ZSCAN2: variants seen among roughly 807,000 people sequenced by gnomAD.
ZSCAN2 encodes the protein zinc finger and SCAN domain-containing protein 2.
In ZSCAN2, 26 loss-of-function variants were observed where a neutral mutation model predicts 47.8. The observed-to-expected ratio is 0.54, with a 90% CI of 0.40 to 0.75. The LOEUF (loss-of-function observed/expected upper bound fraction) is 0.75, where lower values mean the gene tolerates loss of function less well. Among genes scored for constraint, ZSCAN2 ranks in the 30% least tolerant of loss-of-function variants. The pLI is 0.00. For missense variants in ZSCAN2, 732 were observed against 785.4 expected, an observed-to-expected ratio of 0.93 and a Z score of 0.81; for synonymous variants, 305 against 288.7, an observed-to-expected ratio of 1.06 and a Z score of -0.57.
chr15:84,615,197 G>C (rs932236158), intron 2 of ZSCAN2, among the ~76,000 whole-genome samples: 2 of 152,014 alleles, frequency 1.3e-5, no homozygotes, highest in South Asian at 2.1e-4. Context: ...CTTGTGATCC[G>C]CCTGCCTCAG....
rs555282440 is a variant in ZSCAN2 at position 84,621,116 on chromosome 15, G to A, written c.921G>A (p.Gln307=). 6.2e-7 allele frequency: 1 copy of A among 1,613,434 alleles called. No individual in the cohort carries two copies. Among genetic ancestry groups the A allele is most frequent in the Non-Finnish European group, 8.5e-7 (1 of 1,179,776 alleles). The stretch of plus-strand genomic sequence containing the variant: ...TCCACACGGGGGAAAAGCCCTTCCA[G>A]TGTGCCGAGTGTGGCAAGAGCTTCA... ...QRIHTGEKPF[Q]CAECGKSFSR... is the part of the protein sequence containing the mutation. The change falls in exon 3 of 3, where the codon CAG becomes CAA. Residue 307 remains glutamine, a synonymous_variant. Coordinates refer to ENST00000546148, the MANE Select transcript of ZSCAN2 (RefSeq NM_181877.4). This position sits in a 1 kb window ranked among gnomAD's most constrained non-coding sequence, Gnocchi z 5.7.
At chr15:84,604,963 C>G (rs1208927750) in intron 2 of ZSCAN2, among the ~76,000 whole-genome samples, 2 of 151,968 alleles carry the variant, frequency 1.3e-5, no homozygotes, top group Non-Finnish European at 2.9e-5. Flanking sequence ...GTCTCAAGCT[C>G]CTAACCTCGT....
At chr15:84,613,981 CTTT>C (rs35815000) in intron 2 of ZSCAN2, among the ~76,000 whole-genome samples, 57 of 52,332 alleles carry the variant, frequency 1.1e-3, no homozygotes, top group Admixed American at 2.2e-3. Context: ...CTCTTGGCCT[CTTT>C]TTTTTTTTTT....
intron 2 of ZSCAN2, among the ~76,000 whole-genome samples, chr15:84,609,102 T>C (rs1012824413): frequency 6.6e-6 from 1 of 152,240 alleles, no homozygotes; most frequent in African/African-American, 2.4e-5. Context: ...TGATTTGTTT[T>C]GAGCTTGCTG....
chr15:84,606,049 A>C (rs1345109875), intron 2 of ZSCAN2, among the ~76,000 whole-genome samples: 1 of 152,230 alleles, frequency 6.6e-6, no homozygotes, highest in Admixed American at 6.5e-5. Flanking sequence ...TCTAAGAGAC[A>C]CTTCCTAGTG....
intron 2 of ZSCAN2, among the ~76,000 whole-genome samples, chr15:84,614,028 T>A (rs1895628882): frequency 7.2e-6 from 1 of 138,798 alleles, no homozygotes; most frequent in Non-Finnish European, 1.5e-5. Context: ...TCTCACTCTG[T>A]CACCCAGGCT....
At chr15:84,620,407 T>C (rs61322921) in intron 2 of ZSCAN2, among the ~76,000 whole-genome samples, 195 bp from the exon 3 acceptor site, 94,911 of 152,090 alleles carry the variant, frequency 0.62, 30,493 homozygotes, top group East Asian at 0.81. Flanking sequence ...TGAACATGTG[T>C]GTGCATGTAT....
At chr15:84,616,059 C>A (rs547403626) in intron 2 of ZSCAN2, among the ~76,000 whole-genome samples, 12 of 152,066 alleles carry the variant, frequency 7.9e-5, no homozygotes, top group Non-Finnish European at 1.0e-4. Context: ...CATGGCGACA[C>A]CCCATCTCTA....
At chr15:84,607,647 T>A (rs577024721) in intron 2 of ZSCAN2, among the ~76,000 whole-genome samples, 1 of 152,110 alleles carries the variant, frequency 6.6e-6, no homozygotes, top group South Asian at 2.1e-4. Flanking sequence ...TAGCTGGGAT[T>A]ACAGGTGCGT....
At chr15:84,617,048 G>A (rs1423810516) in intron 2 of ZSCAN2, among the ~76,000 whole-genome samples, 1 of 152,128 alleles carries the variant, frequency 6.6e-6, no homozygotes, top group African/African-American at 2.4e-5. Flanking sequence ...CTTGAACCCG[G>A]GGAACAGAGG....
chr15:84,611,117 C>T (rs1043704593), intron 2 of ZSCAN2, among the ~76,000 whole-genome samples: 2 of 151,672 alleles, frequency 1.3e-5, no homozygotes, highest in Admixed American at 1.3e-4. Context: ...CATGGTGAAA[C>T]CCCATCTCTA....
chr15:84,622,208 G>C lies in ZSCAN2; in HGVS notation c.*168G>C, dbSNP rs945976931. 4.3e-5 allele frequency: 29 copies of C among 672,168 alleles called. No homozygotes were observed. In the East Asian group the frequency reaches 7.5e-4, roughly 17 times the overall value. 41.6% of individuals were successfully genotyped at this position (672,168 alleles called of 1,614,324 possible). On this transcript the variant is annotated 3_prime_UTR_variant, in exon 3 of 3. Coordinates refer to ENST00000546148, the MANE Select transcript of ZSCAN2 (RefSeq NM_181877.4). ...CAGGACACTGTCATTTTAGTGGTCTGAGTCAAGTCCCGTATACATTCAAGA... is the reference window on the plus strand; with the variant it reads ...CAGGACACTGTCATTTTAGTGGTCTCAGTCAAGTCCCGTATACATTCAAGA...
chr15:84,617,181 A>G (rs1401101136), intron 2 of ZSCAN2, among the ~76,000 whole-genome samples: 1 of 151,386 alleles, frequency 6.6e-6, no homozygotes, highest in African/African-American at 2.4e-5. Context: ...CACGCCTCTA[A>G]TCCCAGCACT....
intron 2 of ZSCAN2, among the ~76,000 whole-genome samples, chr15:84,615,278 G>GT (rs984860263): frequency 2.6e-5 from 4 of 151,716 alleles, no homozygotes; most frequent in Admixed American, 6.6e-5. Context: ...CTATTGCTTT[G>GT]TTTTTTTGAG....
At chr15:84,613,981 C>CTT (rs35815000) in intron 2 of ZSCAN2, among the ~76,000 whole-genome samples, 21,584 of 52,124 alleles carry the variant, frequency 0.41, 6,899 homozygotes, top group East Asian at 0.5. Context: ...CTCTTGGCCT[C>CTT]TTTTTTTTTT....
chr15:84,620,135 T>C (rs909968666), intron 2 of ZSCAN2, among the ~76,000 whole-genome samples: 3 of 152,090 alleles, frequency 2.0e-5, no homozygotes, highest in African/African-American at 7.2e-5. Context: ...GTTATTTCCC[T>C]CCATGTGCTC....
At chr15:84,613,739 A>C (rs576645622) in intron 2 of ZSCAN2, among the ~76,000 whole-genome samples, 3 of 150,722 alleles carry the variant, frequency 2.0e-5, no homozygotes, top group African/African-American at 7.3e-5. Flanking sequence ...CAGTGGCACG[A>C]TCTCTGCTCA....
Position 84,601,153 on chromosome 15 carries a change from G to C in ZSCAN2, c.-109+18G>C, listed in dbSNP as rs1404775621. On this transcript the variant is annotated intron_variant, in intron 1 of 2. Coordinates refer to ENST00000546148, the MANE Select transcript of ZSCAN2 (RefSeq NM_181877.4). ...CCCGAGAGGTGAGCCGGAGAGGCAGGCCTGGAGCCACGCGGACCCCGGGCA... is the reference window on the plus strand; with the variant it reads ...CCCGAGAGGTGAGCCGGAGAGGCAGCCCTGGAGCCACGCGGACCCCGGGCA... 6.6e-6 allele frequency: 1 copy of C among 152,348 alleles called. No individual in the cohort carries two copies. The highest frequency in any genetic ancestry group is 1.5e-5 in the Non-Finnish European group (1 of 68,156). 9.4% of individuals were successfully genotyped at this position (152,348 alleles called of 1,614,324 possible). A position where few individuals can be genotyped will look rare whatever the true frequency, so the allele number is the denominator to read the frequency against.
At chr15:84,610,900 T>A (rs1383800156) in intron 2 of ZSCAN2, among the ~76,000 whole-genome samples, 1 of 152,180 alleles carries the variant, frequency 6.6e-6, no homozygotes, top group East Asian at 1.9e-4. Context: ...TCAAAATCCT[T>A]GATCTACAAG....
Sources: allele counts gnomAD v4.1 joint callset (sites outside exome capture counted in the v4.1 genomes callset), GRCh38; gene constraint gnomAD v4.1.1; non-coding constraint Gnocchi (gnomAD v3.1); transcripts MANE v1.5; gene names NCBI Gene and HGNC (gene_info 2026-07-23, HGNC 2026-07-21).